Variants in INO80D observed in about 807,000 individuals in gnomAD.
INO80D encodes the protein INO80 complex subunit D.
Under a neutral mutation model 87.6 loss-of-function variants are expected in INO80D, and 21 were observed. The ratio of observed to expected loss-of-function variants is 0.24; its 90% CI spans 0.17 to 0.35. INO80D has a LOEUF of 0.35. Ranked by LOEUF, INO80D falls within the 10% of genes least tolerant of loss-of-function variation. The pLI is 1.00. For missense variants in INO80D, 982 were observed against 1,280.7 expected, an observed-to-expected ratio of 0.77 and a Z score of 3.56; for synonymous variants, 440 against 491.0, an observed-to-expected ratio of 0.90 and a Z score of 1.37.
rs1689706205 is a variant in INO80D, at chr2:206,062,148, G to T, written c.218+651C>A. ...TCTAGTGGCAAAACCGACCCTTAAT[G>T]TGAAAATAGTGTTTCCAAATTATGG... On this transcript the variant is annotated intron_variant, in intron 3 of 10. Coordinates refer to ENST00000403263, the MANE Select transcript of INO80D (RefSeq NM_017759.5). This position sits in a 1 kb window ranked among gnomAD's most constrained non-coding sequence, Gnocchi z 4.6. Among the ~76,000 whole-genome samples, 1 of 152,124 alleles carries T rather than the reference G, an allele frequency of 6.6e-6. No homozygotes were observed. Among genetic ancestry groups the T allele is most frequent in the Non-Finnish European group, 1.5e-5 (1 of 68,018 alleles).
chr2:206,080,462 C>G (rs905297734), intron 1 of INO80D, among the ~76,000 whole-genome samples: 4 of 152,122 alleles, frequency 2.6e-5, no homozygotes, highest in African/African-American at 9.7e-5. Context: ...CATGAAGCTG[C>G]TGAAATGGAA....
At chr2:206,031,149 G>T (rs539876445) in intron 5 of INO80D, among the ~76,000 whole-genome samples, 1 of 152,130 alleles carries the variant, frequency 6.6e-6, no homozygotes, top group Admixed American at 6.5e-5. Context: ...AGCTACTTGG[G>T]AGGCTGAGGC....
chr2:205,995,933 T>C lies in INO80D; in HGVS notation c.*8435A>G, dbSNP rs796658457. On this transcript the variant is annotated 3_prime_UTR_variant, in exon 11 of 11. Transcript: ENST00000403263. Reference sequence around the variant, plus strand: ...ATGCTTTCCATTAAAATGTAAATGGTGAAGTTATGATTAAACTACAAAGCA... The same window carrying C: ...ATGCTTTCCATTAAAATGTAAATGGCGAAGTTATGATTAAACTACAAAGCA... The C allele has an allele frequency of 1.4e-4, 22 of 152,228 alleles. No homozygotes were observed. Among genetic ancestry groups the C allele is most frequent in the African/African-American group, 5.3e-4 (22 of 41,568 alleles). The allele number at this position is 152,228 out of a possible 1,614,324, so 9.4% of individuals were successfully genotyped here. A position where few individuals can be genotyped will look rare whatever the true frequency, so the allele number is the denominator to read the frequency against.
At chr2:206,037,388 T>C (rs1353583583) in intron 5 of INO80D, among the ~76,000 whole-genome samples, 1 of 152,106 alleles carries the variant, frequency 6.6e-6, no homozygotes, top group Non-Finnish European at 1.5e-5. Context: ...TGGTAATACC[T>C]CTAATAAAAA....
At chr2:206,076,657 A>G (rs1051313435) in intron 1 of INO80D, among the ~76,000 whole-genome samples, 1 of 152,234 alleles carries the variant, frequency 6.6e-6, no homozygotes, top group Non-Finnish European at 1.5e-5. Context: ...CATATACTGT[A>G]CTCAGACAGC....
intron 3 of INO80D, among the ~76,000 whole-genome samples, chr2:206,059,335 T>C (rs1689622316): frequency 6.6e-6 from 1 of 152,014 alleles, no homozygotes; most frequent in Non-Finnish European, 1.5e-5. Context: ...GAGCCGAGAC[T>C]GTGCCACTGC....
At chr2:206,033,703 C>T (rs982957394) in intron 5 of INO80D, among the ~76,000 whole-genome samples, 1 of 151,962 alleles carries the variant, frequency 6.6e-6, no homozygotes, top group African/African-American at 2.4e-5. Flanking sequence ...AGAAACTAAA[C>T]CCAAACCCAG....
At chr2:206,036,809 ACGTT>A (rs1688907808) in intron 5 of INO80D, among the ~76,000 whole-genome samples, 1 of 152,226 alleles carries the variant, frequency 6.6e-6, no homozygotes. Flanking sequence ...ATGCTGAGGC[ACGTT>A]ACATGATTAT....
At chr2:206,057,932 A>G (rs1354799387) in intron 3 of INO80D, among the ~76,000 whole-genome samples, 1 of 151,866 alleles carries the variant, frequency 6.6e-6, no homozygotes, top group Non-Finnish European at 1.5e-5. Context: ...ATTAAATTCA[A>G]AACTGCTATT....
At chr2:206,048,585 T>G (rs190382692) in intron 4 of INO80D, among the ~76,000 whole-genome samples, 3 of 152,280 alleles carry the variant, frequency 2.0e-5, no homozygotes, top group Admixed American at 2.0e-4. Context: ...CCATAAAAGT[T>G]TTACCCTTTT....
chr2:206,039,678 C>T (rs1476274181), intron 5 of INO80D, among the ~76,000 whole-genome samples: 2 of 150,564 alleles, frequency 1.3e-5, no homozygotes, highest in East Asian at 2.0e-4. Context: ...GGCGTGGTGG[C>T]GCATGCCTGT....
intron 1 of INO80D, among the ~76,000 whole-genome samples, chr2:206,080,463 T>G (rs931725601): frequency 3.9e-5 from 6 of 152,172 alleles, no homozygotes; most frequent in Admixed American, 3.3e-4. Context: ...ATGAAGCTGC[T>G]GAAATGGAAT....
At chr2:206,018,680 G>C (rs1210545044) in intron 7 of INO80D, among the ~76,000 whole-genome samples, 2 of 152,066 alleles carry the variant, frequency 1.3e-5, no homozygotes, top group African/African-American at 2.4e-5. Context: ...CAGCACTGTG[G>C]GAGGCTAAGG....
At chr2:206,069,784 T>C (rs1689911948) in intron 1 of INO80D, among the ~76,000 whole-genome samples, 1 of 152,196 alleles carries the variant, frequency 6.6e-6, no homozygotes, top group Non-Finnish European at 1.5e-5. Context: ...TACCTACCCA[T>C]CCCTAACTCT....
At chr2:206,072,848 T>C (rs930113434) in intron 1 of INO80D, among the ~76,000 whole-genome samples, 12 of 143,380 alleles carry the variant, frequency 8.4e-5, no homozygotes, top group Admixed American at 5.5e-4. Context: ...TTTCTTCTCT[T>C]TTTTTTTTTT....
At chr2:206,051,736 C>A (rs1341641071) in intron 4 of INO80D, among the ~76,000 whole-genome samples, 1 of 152,048 alleles carries the variant, frequency 6.6e-6, no homozygotes, top group African/African-American at 2.4e-5. Flanking sequence ...CCTGGGCTCA[C>A]GTGATCCTCC....
chr2:206,082,977 T>G (rs1052014228), intron 1 of INO80D, among the ~76,000 whole-genome samples: 15 of 152,212 alleles, frequency 9.9e-5, no homozygotes, highest in African/African-American at 3.6e-4. Context: ...AAAGAAAACT[T>G]GATTATTTCA....
rs898730830 is a variant in INO80D, at chr2:206,071,632, G to A, written c.-123-8388C>T. Among the ~76,000 whole-genome samples, 33 of 149,956 alleles carry A rather than the reference G, an allele frequency of 2.2e-4. 1 individual carries two copies. The highest frequency in any genetic ancestry group is 1.3e-4 in the Non-Finnish European group (9 of 67,780). ...CTCAAGCTTGCTTCCATTACCCCCA[G>A]CTATAGTTGATATTTGCACTTTGAA... On this transcript the variant is annotated intron_variant, in intron 1 of 10. Coordinates refer to ENST00000403263, the MANE Select transcript of INO80D (RefSeq NM_017759.5).
intron 5 of INO80D, among the ~76,000 whole-genome samples, chr2:206,035,048 C>CCTCT (rs1688857978): frequency 1.3e-5 from 2 of 152,080 alleles, no homozygotes; most frequent in South Asian, 4.2e-4. Context: ...AGGCGAAAGA[C>CCTCT]CTCTACAAGG....
Sources: allele counts gnomAD v4.1 joint callset (sites outside exome capture counted in the v4.1 genomes callset), GRCh38; gene constraint gnomAD v4.1.1; non-coding constraint Gnocchi (gnomAD v3.1); transcripts MANE v1.5; gene names NCBI Gene and HGNC (gene_info 2026-07-23, HGNC 2026-07-21).